Variants in ERCC6 observed in about 807,000 individuals in gnomAD.
ERCC6 encodes the protein ERCC excision repair 6, chromatin remodeling factor, also known as DNA excision repair protein ERCC-6.
In ERCC6, 116 loss-of-function variants were observed where a neutral mutation model predicts 158.7. The ratio of observed to expected loss-of-function variants is 0.73; its 90% CI spans 0.63 to 0.85. The LOEUF (loss-of-function observed/expected upper bound fraction) is 0.85. Among genes scored for constraint, ERCC6 ranks in the 40% least tolerant of loss-of-function variants. The probability of loss-of-function intolerance (pLI) is 0.00; values close to 1 mark genes in which losing one functional copy is unlikely to be tolerated. For synonymous variants in ERCC6, 678 were observed against 659.3 expected, an observed-to-expected ratio of 1.03 and a Z score of -0.43; for missense variants, 1,698 against 1,799.4, an observed-to-expected ratio of 0.94 and a Z score of 1.02.
chr10:49,492,120 T>C (rs1293851003), intron 8 of ERCC6, among the ~76,000 whole-genome samples: 2 of 152,222 alleles, frequency 1.3e-5, no homozygotes, highest in African/African-American at 4.8e-5. Context: ...CCATCTCGCC[T>C]TATTTGTGCT....
rs974359761 is a variant in ERCC6, at chr10:49,470,214, T to G, written c.3746A>C (p.Asp1249Ala). 1 of 1,614,186 alleles carries G rather than the reference T, an allele frequency of 6.2e-7. No homozygotes were observed. The highest frequency in any genetic ancestry group is 1.1e-5 in the South Asian group (1 of 91,076). ...KSEAKEQSND[D>A]YVLEKLFKKS... ...TTTGAAAAGCTTTTCCAAAACATAA[T>G]CGTCATTGCTCTGTTCCTTGGCCTC... The change falls in exon 18 of 21, where the codon GAT becomes GCT. Residue 1249 changes from aspartate (D) to alanine (A), a missense_variant. Coordinates refer to ENST00000355832, the MANE Select transcript of ERCC6 (RefSeq NM_000124.4).
At chr10:49,498,050 C>CA (rs1446335941) in intron 7 of ERCC6, among the ~76,000 whole-genome samples, 13 of 152,076 alleles carry the variant, frequency 8.5e-5, no homozygotes, top group Non-Finnish European at 1.6e-4. Context: ...ATATGAATGG[C>CA]AAAGTGAAAA....
chr10:49,440,207 G>T, the ERCC6 span, among the ~76,000 whole-genome samples: 4 of 152,206 alleles, frequency 2.6e-5, no homozygotes, highest in African/African-American at 7.2e-5. Context: ...AGAAAAAGAG[G>T]TTTAATTGGA....
chr10:49,469,891 A>C (rs908438022), intron 18 of ERCC6, among the ~76,000 whole-genome samples: 3 of 152,258 alleles, frequency 2.0e-5, no homozygotes, highest in Admixed American at 6.5e-5. Context: ...CATGTAAAGT[A>C]ACTGCCTACT....
At chr10:49,453,273 C>T (rs1274916473), downstream of ERCC6, among the ~76,000 whole-genome samples, 1 of 152,118 alleles carries the variant, frequency 6.6e-6, no homozygotes, top group Non-Finnish European at 1.5e-5. Context: ...ACAAGCTTAA[C>T]TCCAATAATA....
At chr10:49,463,815 A>C (rs543167522) in intron 18 of ERCC6, among the ~76,000 whole-genome samples, 42 of 152,140 alleles carry the variant, frequency 2.8e-4, no homozygotes, top group Non-Finnish European at 4.9e-4. Context: ...GTAAGATGTG[A>C]CTTGCTCCTC....
rs1452927723 is a variant in ERCC6 at position 49,456,876 on chromosome 10, C to A, written c.*1939G>T. Reference sequence around the variant, plus strand: ...TGTGTCAGATCTCCACACTGAGACACCACCTTCCCAAGATCATGGTACATC... The same window carrying A: ...TGTGTCAGATCTCCACACTGAGACAACACCTTCCCAAGATCATGGTACATC... On this transcript the variant is annotated 3_prime_UTR_variant, in exon 21 of 21. Transcript: ENST00000355832. 1 of 152,164 alleles carries A rather than the reference C, an allele frequency of 6.6e-6. No homozygotes were observed. The highest frequency in any genetic ancestry group is 1.5e-5 in the Non-Finnish European group (1 of 68,020). The allele number at this position is 152,164 out of a possible 1,614,324, so 9.4% of individuals were successfully genotyped here.
chr10:49,523,945 G>A (rs946016784), intron 5 of ERCC6, 88 bp downstream of exon 5: 2 of 1,566,442 alleles, frequency 1.3e-6, no homozygotes, highest in Non-Finnish European at 1.7e-6. Context: ...AATATATTAA[G>A]CTGGATCTAG....
the ERCC6 span, among the ~76,000 whole-genome samples, chr10:49,435,411 C>T: frequency 1.3e-5 from 2 of 152,188 alleles, no homozygotes; most frequent in African/African-American, 4.8e-5. Flanking sequence ...ACATTCTGAT[C>T]AGTTGCTAAG....
rs1239212649 is a variant in ERCC6 at position 49,493,126 on chromosome 10, G to A, written c.1812C>T (p.Thr604=). Residue 604 remains threonine (T), a synonymous_variant, in exon 8 of 21, where the codon ACC becomes ACT. Transcript: ENST00000355832. ...TGAAATATTGTGTTACCTTTTTGTG[G>A]GTATAGGAACCGGTTTCATGTAGAA... is the stretch of plus-strand genomic sequence containing the variant. The part of the protein sequence containing the change: ...VAILHETGSY[T]HKKEKLIRDV... 1 of 1,614,006 alleles carries A rather than the reference G, an allele frequency of 6.2e-7. No homozygotes were observed. The highest frequency in any genetic ancestry group is 8.5e-7 in the Non-Finnish European group (1 of 1,179,980).
rs1232091509 is a variant in ERCC6 at position 49,505,892 on chromosome 10, C to G, written c.1518G>C (p.Lys506Asn). 2 of 1,613,134 alleles carry G rather than the reference C, an allele frequency of 1.2e-6. No individual in the cohort carries two copies. The highest frequency in any genetic ancestry group is 3.3e-5 in the Admixed American group (2 of 59,940). ...GAACATATGGTACATACTTAAAAAG[C>G]TTTTTGAACAGAAAACCTGGCACTT... ...GFKVPGFLFK[K>N]LFKYQQTGVR... Residue 506 changes from lysine (K) to asparagine (N), a missense_variant, in exon 6 of 21, where the codon AAG becomes AAC. Transcript: ENST00000355832.
At chr10:49,446,664 G>T in the ERCC6 span, among the ~76,000 whole-genome samples, 1 of 152,144 alleles carries the variant, frequency 6.6e-6, no homozygotes, top group East Asian at 1.9e-4. Flanking sequence ...TGTAGCCCCA[G>T]CCTCTTGGGA....
chr10:49,479,872 C>T (rs1850946302), intron 10 of ERCC6, among the ~76,000 whole-genome samples: 1 of 152,168 alleles, frequency 6.6e-6, no homozygotes, highest in Non-Finnish European at 1.5e-5. Context: ...TTCATAAAAA[C>T]ACAAGGTGGG....
At position 49,482,863 on chromosome 10, in the gene ERCC6, A is replaced by G. The variant is rs200272551; in HGVS notation, c.1993T>C (p.Phe665Leu). ...NAAVTLACKQFRTPHRIILSG... is the reference protein window; with the variant it reads ...NAAVTLACKQLRTPHRIILSG... Reference sequence around the variant, plus strand: ...AGAATGATCCGATGAGGGGTGCGAAACTATTTGAGGAAAGGAAGCACCTTT... The same window carrying G: ...AGAATGATCCGATGAGGGGTGCGAAGCTATTTGAGGAAAGGAAGCACCTTT... The change falls in exon 10 of 21, where the codon TTT becomes CTT. Residue 665 changes from phenylalanine to leucine, a missense_variant and splice_region_variant. Phe to Leu is a conservative substitution (Grantham distance 22). Transcript: ENST00000355832. 68 of 1,614,090 alleles carry G rather than the reference A, an allele frequency of 4.2e-5. No individual in the cohort carries two copies. The Admixed American group carries it at 1.1e-3, about 26-fold the overall frequency.
intron 19 of ERCC6, among the ~76,000 whole-genome samples, chr10:49,461,024 T>A (rs1438090912): frequency 6.6e-6 from 1 of 152,170 alleles, no homozygotes; most frequent in Non-Finnish European, 1.5e-5. Flanking sequence ...AATAGCAAAG[T>A]AATTAATGTG....
At chr10:49,438,507 A>T in the ERCC6 span, among the ~76,000 whole-genome samples, 2 of 152,194 alleles carry the variant, frequency 1.3e-5, no homozygotes, top group African/African-American at 4.8e-5. Context: ...TCCCTCCCAC[A>T]GCACATGGGA....
In ERCC6 at chr10:49,516,727, C is replaced by A. The variant is rs1220967982; in HGVS notation, c.1397+7306G>T. 3.1e-6 allele frequency: 5 copies of A among 1,614,096 alleles called. No individual in the cohort carries two copies. The Admixed American group carries it at 8.3e-5, about 27-fold the overall frequency. The stretch of plus-strand genomic sequence containing the variant: ...ACGGTGAAGAAATCGTTTGGTGGTG[C>A]TGTAACTCTACCTGCTACGGGTTGT... On this transcript the variant is annotated intron_variant, in intron 5 of 20. Coordinates refer to ENST00000355832, the MANE Select transcript of ERCC6 (RefSeq NM_000124.4).
intron 11 of ERCC6, among the ~76,000 whole-genome samples, chr10:49,476,758 A>G (rs899053281): frequency 2.0e-5 from 3 of 151,804 alleles, no homozygotes; most frequent in Non-Finnish European, 4.4e-5. Context: ...TTGGACGGCA[A>G]CCCTTACCCT....
rs1167022514 is a variant in ERCC6, at chr10:49,524,097, C to T, written c.1333G>A (p.Gly445Arg). The change falls in exon 5 of 21, where the codon GGA (glycine) becomes AGA (arginine). Residue 445 changes from glycine (G) to arginine (R), a missense_variant. Coordinates refer to ENST00000355832, the MANE Select transcript of ERCC6 (RefSeq NM_000124.4). ...EAASVGEGGG[G>R]GRKVGRYRDD... ...CGGTATCTTCCCACTTTCCGACCTC[C>T]TCCTCCTCCTTCTCCTACAGAAGCA... 2.5e-6 allele frequency: 4 copies of T among 1,613,830 alleles called. No homozygotes were observed. Among genetic ancestry groups the T allele is most frequent in the Non-Finnish European group, 3.4e-6 (4 of 1,180,016 alleles).
Sources: allele counts gnomAD v4.1 joint callset (sites outside exome capture counted in the v4.1 genomes callset), GRCh38; gene constraint gnomAD v4.1.1; transcripts MANE v1.5; gene names NCBI Gene and HGNC (gene_info 2026-07-23, HGNC 2026-07-21).